AGPAT5: variants seen among roughly 807,000 people sequenced by gnomAD.
The protein encoded by AGPAT5 is 1-acyl-sn-glycerol-3-phosphate acyltransferase epsilon.
AGPAT5 carries 46 observed loss-of-function variants against 45.6 expected under a neutral mutation model. The observed-to-expected ratio is 1.01, with a 90% CI of 0.80 to 1.29. The LOEUF (loss-of-function observed/expected upper bound fraction) is 1.29. AGPAT5 is among the 50% of genes most tolerant of loss of function. The probability of loss-of-function intolerance (pLI) is 0.00; values close to 1 mark genes in which losing one functional copy is unlikely to be tolerated. For synonymous variants in AGPAT5, 272 were observed against 167.0 expected (o/e 1.63, Z -4.85); for missense variants, 673 against 450.7 (o/e 1.49, Z -4.47).
intron 2 of AGPAT5, among the ~76,000 whole-genome samples, chr8:6,725,339 G>A (rs532577961): frequency 3.9e-5 from 6 of 152,290 alleles, no homozygotes; most frequent in African/African-American, 7.2e-5. Flanking sequence ...GTAAGTACTC[G>A]TTTCCTTACT....
rs766541379 is a variant in AGPAT5 at position 6,757,488 on chromosome 8, A to G, written c.*100A>G. Reference sequence around the variant, plus strand: ...TTCCTGAATTTATTAAGGAGTGTAAATAAAGCCTTGTTGATTGAAGATTGG... The same window carrying G: ...TTCCTGAATTTATTAAGGAGTGTAAGTAAAGCCTTGTTGATTGAAGATTGG... On this transcript the variant is annotated 3_prime_UTR_variant, in exon 8 of 8. Coordinates refer to ENST00000285518, the MANE Select transcript of AGPAT5 (RefSeq NM_018361.5). The G allele has an allele frequency of 1.1e-6, 1 of 923,576 alleles. No individual in the cohort carries two copies. Among genetic ancestry groups the G allele is most frequent in the South Asian group, 1.6e-5 (1 of 62,878 alleles). The allele number at this position is 923,576 out of a possible 1,614,324, so 57.2% of individuals were successfully genotyped here.
At position 6,761,296 on chromosome 8, in the gene AGPAT5, T is replaced by C. The variant is rs944373057; in HGVS notation, c.*3908T>C. On this transcript the variant is annotated 3_prime_UTR_variant, in exon 8 of 8. Transcript: ENST00000285518. ...ATTGGTTCATGATTTTATATGTGAA[T>C]ATGTAAGATATGTTCTGCAATTTTA... is the stretch of plus-strand genomic sequence containing the variant. Among the ~76,000 whole-genome samples, 1 of 152,214 alleles carries C rather than the reference T, an allele frequency of 6.6e-6. No individual in the cohort carries two copies.
At chr8:6,709,241 T>G in intron 1 of AGPAT5, 1 of 340,702 alleles carries the variant, frequency 2.9e-6, no homozygotes, top group Non-Finnish European at 5.6e-6. Context: ...GGTGGTCATG[T>G]TGGAACAGAT....
At chr8:6,745,290 A>C (rs1395716577) in intron 5 of AGPAT5, 1 of 154,414 alleles carries the variant, frequency 6.5e-6, no homozygotes, top group Non-Finnish European at 1.5e-5. Flanking sequence ...TGCCTCAGTC[A>C]TCTGCCTTAC....
At position 6,757,594 on chromosome 8, in the gene AGPAT5, G is replaced by A. The variant is rs1357534608; in HGVS notation, c.*206G>A. 9.4e-6 allele frequency: 5 copies of A among 533,610 alleles called. No homozygotes were observed. Among genetic ancestry groups the A allele is most frequent in the Non-Finnish European group, 1.7e-5 (5 of 300,358 alleles). 33.1% of individuals were successfully genotyped at this position (533,610 alleles called of 1,614,324 possible). A position where few individuals can be genotyped will look rare whatever the true frequency, so the allele number is the denominator to read the frequency against. On this transcript the variant is annotated 3_prime_UTR_variant, in exon 8 of 8. Coordinates refer to ENST00000285518, the MANE Select transcript of AGPAT5 (RefSeq NM_018361.5). The stretch of plus-strand genomic sequence containing the variant: ...GTTGTACAACTTTAGCATCGGGGCT[G>A]CTGGAAGGGTAAAAGCTAAATGGAG...
At chr8:6,733,301 G>C (rs921754073) in intron 4 of AGPAT5, among the ~76,000 whole-genome samples, 3 of 152,260 alleles carry the variant, frequency 2.0e-5, no homozygotes, top group Non-Finnish European at 2.9e-5. Context: ...GTGTGCACAG[G>C]CTTTCCCTTT....
rs1303551423 is a variant in AGPAT5, at chr8:6,747,664, T to C, written c.587-6T>C. 2 of 1,610,928 alleles carry C rather than the reference T, an allele frequency of 1.2e-6. No homozygotes were observed. The highest frequency in any genetic ancestry group is 1.7e-6 in the Non-Finnish European group (2 of 1,177,698). On this transcript the variant is annotated splice_polypyrimidine_tract_variant and splice_region_variant and intron_variant, in intron 5 of 7. Transcript: ENST00000285518. ...TAATTAATGACGGCACTGAATTGAC[T>C]TCTAGGCCTTGCAGTATTAAAACAT...
At chr8:6,749,715 A>G (rs192327908) in intron 6 of AGPAT5, among the ~76,000 whole-genome samples, 1 of 152,226 alleles carries the variant, frequency 6.6e-6, no homozygotes, top group African/African-American at 2.4e-5. Flanking sequence ...CAGACAGTTC[A>G]TCAAGATTGT....
chr8:6,719,769 A>G (rs865844931), intron 1 of AGPAT5, among the ~76,000 whole-genome samples: 2 of 152,210 alleles, frequency 1.3e-5, no homozygotes, highest in Non-Finnish European at 2.9e-5. Context: ...TTGATGTTCT[A>G]TCTTCTCTTA....
intron 2 of AGPAT5, among the ~76,000 whole-genome samples, chr8:6,726,930 A>G (rs543687966): frequency 6.6e-6 from 1 of 152,234 alleles, no homozygotes; most frequent in Non-Finnish European, 1.5e-5. Flanking sequence ...GGCTTTAGTC[A>G]GTATATGACA....
chr8:6,731,628 T>C (rs1800867168), intron 3 of AGPAT5, among the ~76,000 whole-genome samples: 1 of 151,718 alleles, frequency 6.6e-6, no homozygotes, highest in Non-Finnish European at 1.5e-5. Flanking sequence ...TGCAGTAAAA[T>C]GAAAGAGCAA....
In AGPAT5 at chr8:6,760,284, G is replaced by A. The variant is rs1280648367; in HGVS notation, c.*2896G>A. Among the ~76,000 whole-genome samples the A allele has an allele frequency of 1.3e-5, 2 of 152,116 alleles. No individual in the cohort carries two copies. Among genetic ancestry groups the A allele is most frequent in the Non-Finnish European group, 2.9e-5 (2 of 68,022 alleles). On this transcript the variant is annotated 3_prime_UTR_variant, in exon 8 of 8. Transcript: ENST00000285518. The stretch of plus-strand genomic sequence containing the variant: ...GGCGTACACTGAGTAGTTTGTCCCA[G>A]CTACTCGGGAGGGTGAGGTGGGAGG...
chr8:6,754,696 T>A (rs568330938), intron 6 of AGPAT5, among the ~76,000 whole-genome samples: 1 of 152,132 alleles, frequency 6.6e-6, no homozygotes, highest in Non-Finnish European at 1.5e-5. Context: ...TGCGGGTCCC[T>A]TCAGAGAGGT....
chr8:6,716,791 C>T (rs1262647324), intron 1 of AGPAT5, among the ~76,000 whole-genome samples: 1 of 152,128 alleles, frequency 6.6e-6, no homozygotes, highest in Non-Finnish European at 1.5e-5. Context: ...CAAGATGGCA[C>T]CATTGCACTC....
In AGPAT5 at chr8:6,752,461, A is replaced by G. The variant is rs557908017; in HGVS notation, c.746-2590A>G. ...TACATGTCAGTATATATACTTCCGT[A>G]ACTTTTTTTTAAAGGCTATATAGTG... is the stretch of plus-strand genomic sequence containing the variant. On this transcript the variant is annotated intron_variant, in intron 6 of 7. Coordinates refer to ENST00000285518, the MANE Select transcript of AGPAT5 (RefSeq NM_018361.5). Among the ~76,000 whole-genome samples, 10 of 152,206 alleles carry G rather than the reference A, an allele frequency of 6.6e-5. No individual in the cohort carries two copies. In the East Asian group the frequency reaches 1.9e-3, roughly 29 times the overall value.
At chr8:6,754,895 C>A (rs1037600241) in intron 6 of AGPAT5, among the ~76,000 whole-genome samples, 156 bp from the exon 7 acceptor site, 10 of 151,126 alleles carry the variant, frequency 6.6e-5, no homozygotes, top group African/African-American at 2.4e-4. Flanking sequence ...GTTTATAATC[C>A]TTTTTTTTTA....
At chr8:6,741,800 C>G (rs779755430) in intron 5 of AGPAT5, 49 bp downstream of exon 5, 2 of 1,430,128 alleles carry the variant, frequency 1.4e-6, no homozygotes, top group Non-Finnish European at 2.0e-6. Context: ...AAGATAATAA[C>G]ATTTTTAGTT....
In AGPAT5 at chr8:6,759,466, C is replaced by G. The variant is rs1330267036; in HGVS notation, c.*2078C>G. The G allele has an allele frequency of 6.6e-6, 1 of 152,070 alleles. No homozygotes were observed. Among genetic ancestry groups the G allele is most frequent in the Non-Finnish European group, 1.5e-5 (1 of 68,018 alleles). 9.4% of individuals were successfully genotyped at this position (152,070 alleles called of 1,614,324 possible). On this transcript the variant is annotated 3_prime_UTR_variant, in exon 8 of 8. Transcript: ENST00000285518. ...TATTGATACTGACTTGAATTATTTT[C>G]TAAAATTAAGAGCCGTATACCTACC...
At chr8:6,737,305 C>G (rs138403059) in intron 4 of AGPAT5, among the ~76,000 whole-genome samples, 1 of 152,244 alleles carries the variant, frequency 6.6e-6, no homozygotes, top group Non-Finnish European at 1.5e-5. Context: ...TCTTATGATT[C>G]TTTTGTTTCT....
Sources: gnomAD v4.1 joint callset for allele counts (sites outside exome capture counted in the v4.1 genomes callset) on GRCh38, gnomAD v4.1.1 for gene constraint, MANE v1.5 for transcripts, NCBI Gene and HGNC (gene_info 2026-07-23, HGNC 2026-07-21) for gene names.